Variants in SOS2 observed in about 807,000 individuals in gnomAD.
SOS2 encodes son of sevenless homolog 2.
A neutral mutation model predicts 148.2 loss-of-function variants in SOS2; 65 were observed. The observed-to-expected ratio is 0.44, with a 90% CI of 0.36 to 0.54. The LOEUF (loss-of-function observed/expected upper bound fraction) is 0.54. SOS2 is among the 20% of genes least tolerant of loss of function. The probability of loss-of-function intolerance (pLI) is 0.00; values close to 1 mark genes in which losing one functional copy is unlikely to be tolerated. For missense variants in SOS2, 1,341 were observed against 1,590.2 expected (o/e 0.84, Z 2.67); for synonymous variants, 539 against 537.1 (o/e 1.00, Z -0.05).
chr14:50,181,396 C>T (rs1161252715), intron 6 of SOS2, among the ~76,000 whole-genome samples: 3 of 150,440 alleles, frequency 2.0e-5, no homozygotes, highest in Admixed American at 6.7e-5. Context: ...TGCAGTAAGA[C>T]GAGATCGTGC....
At chr14:50,178,920 A>C (rs1490232185) in intron 7 of SOS2, among the ~76,000 whole-genome samples, 1 of 151,752 alleles carries the variant, frequency 6.6e-6, no homozygotes, top group African/African-American at 2.4e-5. Context: ...TTTTTAGTAG[A>C]GACAGGGTTT....
intron 8 of SOS2, among the ~76,000 whole-genome samples, chr14:50,172,253 C>A (rs1885388021): frequency 6.6e-6 from 1 of 151,964 alleles, no homozygotes. Context: ...TGAAGTGATT[C>A]AAATCTTTTG....
intron 1 of SOS2, chr14:50,215,337 C>G: frequency 8.2e-7 from 1 of 1,226,074 alleles, no homozygotes; most frequent in Non-Finnish European, 1.1e-6. Flanking sequence ...AATATGAAAA[C>G]AGTCATAAAA....
At chr14:50,222,669 AT>A (rs1887235794) in intron 1 of SOS2, among the ~76,000 whole-genome samples, 1 of 152,254 alleles carries the variant, frequency 6.6e-6, no homozygotes, top group Non-Finnish European at 1.5e-5. Flanking sequence ...AGACTAAAAC[AT>A]GTCTACGTTA....
intron 18 of SOS2, among the ~76,000 whole-genome samples, chr14:50,136,692 C>T (rs1266111780): frequency 2.6e-5 from 4 of 151,444 alleles, no homozygotes; most frequent in Admixed American, 2.0e-4. Flanking sequence ...TGGGTCCAAG[C>T]GATCCTCCCA....
intron 1 of SOS2, chr14:50,215,293 A>G: frequency 1.2e-6 from 1 of 853,276 alleles, no homozygotes; most frequent in Non-Finnish European, 1.6e-6. Context: ...AACATCAAGC[A>G]TCAAAGTTTC....
At chr14:50,189,522 T>C (rs1023392914) in intron 4 of SOS2, among the ~76,000 whole-genome samples, 3 of 152,208 alleles carry the variant, frequency 2.0e-5, no homozygotes, top group South Asian at 2.1e-4. Context: ...CTACTACATC[T>C]AGCAAATAGT....
At chr14:50,208,609 C>A (rs574361267) in intron 1 of SOS2, among the ~76,000 whole-genome samples, 1 of 151,670 alleles carries the variant, frequency 6.6e-6, no homozygotes, top group African/African-American at 2.4e-5. Context: ...ATCATGCCAC[C>A]GCACTCCAGC....
chr14:50,200,844 C>T, intron 3 of SOS2, 109 bp downstream of exon 3: 1 of 924,112 alleles, frequency 1.1e-6, no homozygotes, highest in South Asian at 1.6e-5. Context: ...TGGAAGTGCA[C>T]ATATACACAC....
chr14:50,135,143 G>A (rs895086114), intron 18 of SOS2, among the ~76,000 whole-genome samples: 5 of 148,012 alleles, frequency 3.4e-5, no homozygotes, highest in African/African-American at 9.9e-5. Context: ...AAACCTATCT[G>A]TGCTAACTTC....
chr14:50,150,813 C>T (rs1460841070), intron 13 of SOS2, among the ~76,000 whole-genome samples: 1 of 152,028 alleles, frequency 6.6e-6, no homozygotes, highest in Non-Finnish European at 1.5e-5. Flanking sequence ...ACCTCCACCT[C>T]CCGGGTTCAA....
intron 13 of SOS2, among the ~76,000 whole-genome samples, chr14:50,152,662 T>C (rs561684553): frequency 6.6e-6 from 1 of 152,098 alleles, no homozygotes; most frequent in Non-Finnish European, 1.5e-5. Flanking sequence ...TTTTTAAAAA[T>C]GAAAAATGCT....
chr14:50,171,475 A>G (rs773681362), intron 8 of SOS2, among the ~76,000 whole-genome samples: 4 of 151,966 alleles, frequency 2.6e-5, no homozygotes, highest in Non-Finnish European at 5.9e-5. Context: ...CATGAGGTCA[A>G]GAGATTGAGT....
chr14:50,176,922 A>T (rs1594995532), intron 7 of SOS2, among the ~76,000 whole-genome samples: 1 of 151,722 alleles, frequency 6.6e-6, no homozygotes, highest in African/African-American at 2.4e-5. Flanking sequence ...AGGCAGGAGG[A>T]CTCCTTAAAC....
intron 16 of SOS2, among the ~76,000 whole-genome samples, chr14:50,141,302 T>A (rs1884276175): frequency 1.3e-5 from 2 of 151,174 alleles, no homozygotes. Flanking sequence ...GGAGAATAGT[T>A]TGAGGCCAGG....
At chr14:50,156,260 A>G (rs1484809066) in intron 12 of SOS2, 2 of 145,604 alleles carry the variant, frequency 1.4e-5, no homozygotes, top group Non-Finnish European at 3.0e-5. Flanking sequence ...TGGTACGTAC[A>G]CACACACACA....
At chr14:50,230,194 T>A (rs1241826763) in intron 1 of SOS2, among the ~76,000 whole-genome samples, 1 of 152,248 alleles carries the variant, frequency 6.6e-6, no homozygotes, top group African/African-American at 2.4e-5. Context: ...TATAGAAATT[T>A]AATGTCTGAG....
chr14:50,196,885 T>A (rs1411537535), intron 4 of SOS2, among the ~76,000 whole-genome samples: 1 of 152,170 alleles, frequency 6.6e-6, no homozygotes, highest in Non-Finnish European at 1.5e-5. Flanking sequence ...TTTTTTTGTT[T>A]GAGACAGTGT....
intron 8 of SOS2, among the ~76,000 whole-genome samples, chr14:50,166,627 G>C (rs1200332551): frequency 6.6e-6 from 1 of 152,064 alleles, no homozygotes; most frequent in Non-Finnish European, 1.5e-5. Context: ...TCCTGTCTAA[G>C]ATTTTATATT....
Sources: gnomAD v4.1 joint callset for allele counts (sites outside exome capture counted in the v4.1 genomes callset) on GRCh38, gnomAD v4.1.1 for gene constraint, MANE v1.5 for transcripts, NCBI Gene and HGNC (gene_info 2026-07-23, HGNC 2026-07-21) for gene names.